The following SYNPR variants were observed in gnomAD, a reference collection of about 807,000 sequenced individuals.
SYNPR encodes the protein synaptoporin.
Under a neutral mutation model 32.9 loss-of-function variants are expected in SYNPR, and 23 were observed. That is an observed-to-expected ratio of 0.70 (90% confidence interval 0.50 to 0.99). The LOEUF (loss-of-function observed/expected upper bound fraction) is 0.99, where lower values mean the gene tolerates loss of function less well. Ranked by LOEUF, SYNPR falls within the 50% of genes least tolerant of loss-of-function variation. SYNPR has a pLI of 0.00. For missense variants in SYNPR, 318 were observed against 349.3 expected, an observed-to-expected ratio of 0.91 and a Z score of 0.71; for synonymous variants, 146 against 135.9, an observed-to-expected ratio of 1.07 and a Z score of -0.52.
intron 3 of SYNPR, among the ~76,000 whole-genome samples, chr3:63,488,428 A>C (rs6803417): frequency 0.43 from 65,714 of 151,956 alleles, 14,264 homozygotes; most frequent in East Asian, 0.5. Context: ...GGCCAAAGGG[A>C]TAATGGTGAA....
At chr3:63,614,017 C>T (rs897102181) in intron 5 of SYNPR, among the ~76,000 whole-genome samples, 7 of 143,594 alleles carry the variant, frequency 4.9e-5, no homozygotes, top group African/African-American at 7.7e-5. Flanking sequence ...TTCTTGACTA[C>T]ACCAGTGCCC....
intron 2 of SYNPR, among the ~76,000 whole-genome samples, chr3:63,371,700 G>T (rs983917722): frequency 6.6e-6 from 1 of 152,226 alleles, no homozygotes; most frequent in African/African-American, 2.4e-5. Context: ...TTTTCCACCT[G>T]AGTCCTCGTT....
intron 2 of SYNPR, among the ~76,000 whole-genome samples, chr3:63,366,631 AAGT>A (rs1306514979): frequency 6.6e-6 from 1 of 152,192 alleles, no homozygotes; most frequent in African/African-American, 2.4e-5. Flanking sequence ...CCAGCTTAGA[AAGT>A]AGGAGATGGC....
At chr3:63,250,176 A>G (rs2106888530) in intron 1 of SYNPR, among the ~76,000 whole-genome samples, 1 of 152,270 alleles carries the variant, frequency 6.6e-6, no homozygotes, top group African/African-American at 2.4e-5. Context: ...AAGCTGGAAG[A>G]AAGAATTATG....
rs1700258709 is a variant in SYNPR at position 63,445,463 on chromosome 3, G to A, written c.85-35369G>A. 3 of 663,618 alleles carry A rather than the reference G, an allele frequency of 4.5e-6. No individual in the cohort carries two copies. In the South Asian group the frequency reaches 5.0e-5, roughly 11 times the overall value. 41.1% of individuals were successfully genotyped at this position (663,618 alleles called of 1,614,324 possible). A position where few individuals can be genotyped will look rare whatever the true frequency, so the allele number is the denominator to read the frequency against. On this transcript the variant is annotated intron_variant, in intron 2 of 5. Coordinates refer to ENST00000478300, the MANE Select transcript of SYNPR (RefSeq NM_001130003.2). ...GAAAATCTGTCATAATCTCTTCCAA[G>A]CATTAAAGACTTTTGTCATTTGGGG...
chr3:63,608,284 AG>A (rs764409108), intron 4 of SYNPR, among the ~76,000 whole-genome samples: 1 of 152,124 alleles, frequency 6.6e-6, no homozygotes, highest in Non-Finnish European at 1.5e-5. Context: ...TATGGATAAA[AG>A]CTTCTTTCCC....
intron 2 of SYNPR, among the ~76,000 whole-genome samples, chr3:63,324,391 T>G (rs2087142120): frequency 6.6e-6 from 1 of 152,114 alleles, no homozygotes; most frequent in African/African-American, 2.4e-5. Flanking sequence ...AAATTTGCAT[T>G]TATCCTGTAG....
At chr3:63,607,742 ACT>A (rs1700143912) in intron 4 of SYNPR, among the ~76,000 whole-genome samples, 1 of 152,102 alleles carries the variant, frequency 6.6e-6, no homozygotes, top group Non-Finnish European at 1.5e-5. Flanking sequence ...AGATTCAGCT[ACT>A]CTTAGTAGTG....
intron 2 of SYNPR, among the ~76,000 whole-genome samples, chr3:63,359,867 G>A (rs1403221416): frequency 6.6e-6 from 1 of 152,052 alleles, no homozygotes; most frequent in Non-Finnish European, 1.5e-5. Flanking sequence ...AAATAACTTT[G>A]GTAAATGTAA....
chr3:63,605,825 C>A (rs934962363), intron 4 of SYNPR, among the ~76,000 whole-genome samples: 1 of 152,232 alleles, frequency 6.6e-6, no homozygotes, highest in Non-Finnish European at 1.5e-5. Context: ...TTAAGCTACA[C>A]ATGCTCTTGG....
At chr3:63,225,509 T>C (rs1001567218), upstream of SYNPR, among the ~76,000 whole-genome samples, 1 of 152,060 alleles carries the variant, frequency 6.6e-6, no homozygotes, top group Non-Finnish European at 1.5e-5. Flanking sequence ...GGCCCTGAGA[T>C]AGAGACTGGC....
the SYNPR span, among the ~76,000 whole-genome samples, chr3:63,210,006 A>G: frequency 7.2e-5 from 11 of 152,184 alleles, no homozygotes; most frequent in Admixed American, 5.9e-4. Context: ...AACCTCACAG[A>G]GTCCATATTA....
intron 2 of SYNPR, among the ~76,000 whole-genome samples, chr3:63,457,881 A>G (rs1159331810): frequency 1.3e-5 from 2 of 152,144 alleles, no homozygotes; most frequent in East Asian, 1.9e-4. Flanking sequence ...TGCTTTGGAT[A>G]TTACTGATAA....
rs114050212 is a variant in SYNPR, at chr3:63,588,020, A to G, written c.409-21105A>G. On this transcript the variant is annotated intron_variant, in intron 4 of 5. Transcript: ENST00000478300. ...GGTGGGGTAAGTTCAACATACTTAGAAAAATTTAAAAATTACTTTGAATTG... is the reference window on the plus strand; with the variant it reads ...GGTGGGGTAAGTTCAACATACTTAGGAAAATTTAAAAATTACTTTGAATTG... 9.3e-3 allele frequency among the ~76,000 whole-genome samples: 1,417 copies of G among 152,218 alleles called. 26 individuals are homozygous for G. The highest frequency in any genetic ancestry group is 0.032 in the African/African-American group (1,346 of 41,550).
At chr3:63,567,770 T>C (rs1702816866) in intron 4 of SYNPR, among the ~76,000 whole-genome samples, 1 of 152,200 alleles carries the variant, frequency 6.6e-6, no homozygotes, top group Non-Finnish European at 1.5e-5. Flanking sequence ...GAATCCCTTA[T>C]GAGGGACAAG....
intron 2 of SYNPR, among the ~76,000 whole-genome samples, chr3:63,354,538 G>A (rs2087550071): frequency 6.6e-6 from 1 of 152,198 alleles, no homozygotes; most frequent in African/African-American, 2.4e-5. Context: ...AGGGCAAGTG[G>A]AAGCACATGA....
At chr3:63,565,556 T>A (rs1057265176) in intron 4 of SYNPR, among the ~76,000 whole-genome samples, 2 of 152,222 alleles carry the variant, frequency 1.3e-5, no homozygotes, top group East Asian at 3.9e-4. Context: ...GGGGCCCTCA[T>A]GGTCTAATGA....
intron 4 of SYNPR, among the ~76,000 whole-genome samples, chr3:63,557,686 C>A (rs370824969): frequency 1.3e-5 from 2 of 151,988 alleles, no homozygotes; most frequent in African/African-American, 2.4e-5. Flanking sequence ...TGTTACTATG[C>A]GATGTGGGAC....
chr3:63,573,582 C>T (rs1228739784), intron 4 of SYNPR, among the ~76,000 whole-genome samples: 2 of 152,134 alleles, frequency 1.3e-5, no homozygotes, highest in Non-Finnish European at 2.9e-5. Flanking sequence ...TTTCTACGTC[C>T]TCCCTCTGTT....
Sources: gnomAD v4.1 joint callset for allele counts (sites outside exome capture counted in the v4.1 genomes callset) on GRCh38, gnomAD v4.1.1 for gene constraint, MANE v1.5 for transcripts, NCBI Gene and HGNC (gene_info 2026-07-23, HGNC 2026-07-21) for gene names.